Variants in LRRC4C observed in about 807,000 individuals in gnomAD.
The protein encoded by LRRC4C is leucine rich repeat containing 4C.
LRRC4C carries 5 observed loss-of-function variants against 33.6 expected under a neutral mutation model. The observed-to-expected ratio is 0.15, with a 90% CI of 0.08 to 0.31. The LOEUF (loss-of-function observed/expected upper bound fraction) is 0.31, where lower values mean the gene tolerates loss of function less well. Ranked by LOEUF, LRRC4C falls within the 10% of genes least tolerant of loss-of-function variation. The pLI, the probability that LRRC4C is intolerant of heterozygous loss-of-function variation, is 1.00. For synonymous variants in LRRC4C, 329 were observed against 302.0 expected (o/e 1.09, Z -0.93); for missense variants, 560 against 796.7 (o/e 0.70, Z 3.58).
chr11:41,233,623 AG>A lies in LRRC4C; in HGVS notation c.-496+225807del, dbSNP rs1433423514. Among the ~76,000 whole-genome samples the A allele has an allele frequency of 2.6e-5, 4 of 152,046 alleles. No homozygotes were observed. The East Asian group carries it at 7.7e-4, about 29-fold the overall frequency. ...ATAGGGGAAATATGACTCTTTCTTT[AG>A]ATATATCAGTAATTTAAATTTATCT... On this transcript the variant is annotated intron_variant, in intron 1 of 6. Coordinates refer to ENST00000528697, the MANE Select transcript of LRRC4C (RefSeq NM_001258419.2).
chr11:40,247,580 T>C (rs1160324310), intron 4 of LRRC4C, among the ~76,000 whole-genome samples: 6 of 152,198 alleles, frequency 3.9e-5, no homozygotes, highest in Admixed American at 2.6e-4. Flanking sequence ...GAGAAAGTTT[T>C]TGGGGTGGGA....
chr11:40,574,914 A>G lies in LRRC4C; in HGVS notation c.-270+73228T>C, dbSNP rs534637420. ...AGGCCTACACACTCTAGAAGGTTGC[A>G]CGCCATCTCCAGAGTCCCTGATAGC... On this transcript the variant is annotated intron_variant, in intron 3 of 6. Coordinates refer to ENST00000528697, the MANE Select transcript of LRRC4C (RefSeq NM_001258419.2). Among the ~76,000 whole-genome samples, 6 of 152,276 alleles carry G rather than the reference A, an allele frequency of 3.9e-5. No homozygotes were observed. In the East Asian group the frequency reaches 1.2e-3, roughly 29 times the overall value.
intron 6 of LRRC4C, among the ~76,000 whole-genome samples, chr11:40,132,761 CA>C (rs888216390): frequency 6.6e-5 from 10 of 151,810 alleles, no homozygotes; most frequent in African/African-American, 2.4e-4. Flanking sequence ...CCTCAATAAA[CA>C]AATCTAGTGT....
chr11:40,856,708 A>G (rs891470813), intron 2 of LRRC4C, among the ~76,000 whole-genome samples: 4 of 152,202 alleles, frequency 2.6e-5, no homozygotes, highest in African/African-American at 4.8e-5. Flanking sequence ...ATTGATTCAG[A>G]TGTTTCAAAT....
At chr11:40,673,606 T>C (rs1484667768) in intron 2 of LRRC4C, among the ~76,000 whole-genome samples, 1 of 152,218 alleles carries the variant, frequency 6.6e-6, no homozygotes, top group Admixed American at 6.5e-5. Flanking sequence ...GTGTGCTTTA[T>C]ACAGTAGTTC....
At chr11:40,964,409 G>A (rs934094739) in intron 1 of LRRC4C, among the ~76,000 whole-genome samples, 1 of 151,754 alleles carries the variant, frequency 6.6e-6, no homozygotes, top group South Asian at 2.1e-4. Context: ...TAGGCTACAT[G>A]TGCACAACGT....
chr11:40,486,065 A>G (rs146599688), intron 3 of LRRC4C, among the ~76,000 whole-genome samples: 23 of 151,862 alleles, frequency 1.5e-4, no homozygotes, highest in African/African-American at 5.5e-4. Context: ...CACCTGGAAG[A>G]TGAAATAATC....
Position 40,660,104 on chromosome 11 carries a change from G to A in LRRC4C, c.-406-11826C>T, listed in dbSNP as rs543350990. Among the ~76,000 whole-genome samples the A allele has an allele frequency of 5.3e-5, 8 of 152,330 alleles. No homozygotes were observed. In the East Asian group the frequency reaches 1.5e-3, roughly 29 times the overall value. Reference sequence around the variant, plus strand: ...GCATTCTCCTTGTCCACACACAGGTGCCTGCAGTGGAAGCTGCTTTTGGTA... The same window carrying A: ...GCATTCTCCTTGTCCACACACAGGTACCTGCAGTGGAAGCTGCTTTTGGTA... On this transcript the variant is annotated intron_variant, in intron 2 of 6. Coordinates refer to ENST00000528697, the MANE Select transcript of LRRC4C (RefSeq NM_001258419.2).
chr11:40,384,651 CT>C (rs1256407142), intron 3 of LRRC4C, among the ~76,000 whole-genome samples: 3 of 152,136 alleles, frequency 2.0e-5, no homozygotes, highest in African/African-American at 7.2e-5. Flanking sequence ...AAGAAACAGA[CT>C]TCCTAATGCC....
At chr11:41,273,105 G>A (rs1949371129) in intron 1 of LRRC4C, among the ~76,000 whole-genome samples, 1 of 152,172 alleles carries the variant, frequency 6.6e-6, no homozygotes, top group East Asian at 1.9e-4. Context: ...TGCAATGCCA[G>A]ACAGTAGTTA....
intron 1 of LRRC4C, among the ~76,000 whole-genome samples, chr11:41,413,999 T>C (rs894327814): frequency 6.6e-6 from 1 of 152,196 alleles, no homozygotes; most frequent in Admixed American, 6.5e-5. Flanking sequence ...TGCTTTGTAG[T>C]CAGACACATC....
At chr11:40,200,765 CAAAAAAAA>C (rs762650999) in intron 5 of LRRC4C, among the ~76,000 whole-genome samples, 5 of 70,962 alleles carry the variant, frequency 7.0e-5, no homozygotes, top group Non-Finnish European at 9.6e-5. Context: ...GACTCCATCT[CAAAAAAAA>C]AAAAAAAAAA....
intron 2 of LRRC4C, among the ~76,000 whole-genome samples, chr11:40,846,361 T>C (rs1430746988): frequency 6.6e-6 from 1 of 152,136 alleles, no homozygotes; most frequent in Admixed American, 6.6e-5. Context: ...TTGTATGAGG[T>C]GTAAGGAAGG....
In LRRC4C at chr11:40,271,301, T is replaced by C. The variant is rs1278655220; in HGVS notation, c.-175-29703A>G. 3.3e-5 allele frequency among the ~76,000 whole-genome samples: 5 copies of C among 152,028 alleles called. No individual in the cohort carries two copies. In the South Asian group the frequency reaches 6.2e-4, roughly 19 times the overall value. On this transcript the variant is annotated intron_variant, in intron 4 of 6. Coordinates refer to ENST00000528697, the MANE Select transcript of LRRC4C (RefSeq NM_001258419.2). The stretch of plus-strand genomic sequence containing the variant: ...CATGTTTCCATCCTTTCAACAACAC[T>C]GAATAGGAGAGAGACAGCAGAGCAG...
intron 3 of LRRC4C, among the ~76,000 whole-genome samples, chr11:40,525,105 G>A (rs1336984243): frequency 6.6e-6 from 1 of 152,060 alleles, no homozygotes; most frequent in Non-Finnish European, 1.5e-5. Flanking sequence ...ATAAATGAGG[G>A]AATGAAAGAG....
intron 3 of LRRC4C, among the ~76,000 whole-genome samples, chr11:40,362,624 G>A (rs1446953561): frequency 6.6e-6 from 1 of 152,144 alleles, no homozygotes; most frequent in Non-Finnish European, 1.5e-5. Flanking sequence ...GGAGGCCAAG[G>A]AGGCAGAATT....
intron 1 of LRRC4C, among the ~76,000 whole-genome samples, chr11:41,006,518 A>T (rs1273989790): frequency 1.3e-5 from 2 of 152,172 alleles, no homozygotes; most frequent in East Asian, 3.9e-4. Context: ...TCATTTGAAA[A>T]GGACACAGAG....
At chr11:40,684,409 A>C (rs1032006515) in intron 2 of LRRC4C, among the ~76,000 whole-genome samples, 4 of 152,030 alleles carry the variant, frequency 2.6e-5, no homozygotes, top group South Asian at 2.1e-4. Flanking sequence ...TGGAAGATAG[A>C]GATAAGGAAG....
In LRRC4C at chr11:40,422,692, C is replaced by CAA. The variant is rs5791380; in HGVS notation, c.-269-102973_-269-102972dup. Reference sequence around the variant, plus strand: ...ACTTAAGCCCGTTATACTCATTTTACAAAAAAAAAAAGCAAATTATTTAAT... The same window carrying CAA: ...ACTTAAGCCCGTTATACTCATTTTACAAAAAAAAAAAAAGCAAATTATTTAAT... On this transcript the variant is annotated intron_variant, in intron 3 of 6. Coordinates refer to ENST00000528697, the MANE Select transcript of LRRC4C (RefSeq NM_001258419.2). Among the ~76,000 whole-genome samples the CAA allele has an allele frequency of 8.6e-4, 123 of 143,660 alleles. 1 individual carries two copies. The highest frequency in any genetic ancestry group is 1.2e-3 in the East Asian group (6 of 4,926). 94.2% of individuals were successfully genotyped at this position (143,660 alleles called of 152,430 possible).
Sources: allele counts gnomAD v4.1 joint callset (sites outside exome capture counted in the v4.1 genomes callset), GRCh38; gene constraint gnomAD v4.1.1; transcripts MANE v1.5; gene names NCBI Gene and HGNC (gene_info 2026-07-23, HGNC 2026-07-21).